The following IFI16 variants were observed in gnomAD, a reference collection of about 807,000 sequenced individuals.
IFI16 encodes the protein interferon gamma inducible protein 16, also known as gamma-interferon-inducible protein 16.
In IFI16, 49 loss-of-function variants were observed where a neutral mutation model predicts 68.4. That is an observed-to-expected ratio of 0.72 (90% confidence interval 0.57 to 0.91). The LOEUF (loss-of-function observed/expected upper bound fraction) is 0.91, where lower values mean the gene tolerates loss of function less well. IFI16 is among the 40% of genes least tolerant of loss of function. The pLI is 0.00. For synonymous variants in IFI16, 307 were observed against 315.0 expected, an observed-to-expected ratio of 0.97 and a Z score of 0.27; for missense variants, 878 against 942.9, an observed-to-expected ratio of 0.93 and a Z score of 0.90.
chr1:159,016,434 ATCT>A, intron 3 of IFI16, 96 bp from the exon 4 acceptor site: 11 of 1,129,314 alleles, frequency 9.7e-6, no homozygotes, highest in South Asian at 4.9e-5. Flanking sequence ...TCCAAGAAAC[ATCT>A]TCTTAGGAAT....
At chr1:159,044,235 A>T (rs1335149663) in intron 7 of IFI16, among the ~76,000 whole-genome samples, 1 of 152,212 alleles carries the variant, frequency 6.6e-6, no homozygotes, top group Non-Finnish European at 1.5e-5. Context: ...GGTCACACAG[A>T]TAGTATTAGA....
intron 7 of IFI16, among the ~76,000 whole-genome samples, chr1:159,045,017 A>C (rs554297667): frequency 2.6e-5 from 4 of 152,032 alleles, no homozygotes; most frequent in Admixed American, 2.6e-4. Context: ...TACCTGACCA[A>C]ATAACTCAGT....
At position 159,016,623 on chromosome 1, in the gene IFI16, G is replaced by A. The variant is rs778462683; in HGVS notation, c.472G>A (p.Gly158Ser). ...TCAGCCTCCCTCTCCTGCAGGAGCC[G>A]GCATGTCCACAGCCATGGGCCGTTC... ...QTQPPSPAGA[G>S]MSTAMGRSPS... Residue 158 changes from glycine to serine, a missense_variant, in exon 4 of 12, where the codon GGC becomes AGC. Physicochemically the swap from Gly to Ser is moderately conservative, Grantham distance 56. This residue lies in a region of IFI16 where 443 missense variants were observed against 421.8 expected (regional missense o/e 1.05). Transcript: ENST00000295809. The A allele has an allele frequency of 6.8e-6, 11 of 1,614,120 alleles. No individual in the cohort carries two copies. Among genetic ancestry groups the A allele is most frequent in the Non-Finnish European group, 6.8e-6 (8 of 1,180,010 alleles).
chr1:159,019,264 A>C (rs550974885), intron 5 of IFI16, among the ~76,000 whole-genome samples: 67 of 146,956 alleles, frequency 4.6e-4, no homozygotes, highest in African/African-American at 1.1e-3. Flanking sequence ...TAAATAACAA[A>C]AAAAAAAAAT....
chr1:159,027,501 A>G (rs1653745053), intron 6 of IFI16, among the ~76,000 whole-genome samples: 1 of 152,006 alleles, frequency 6.6e-6, no homozygotes, highest in Admixed American at 6.5e-5. Flanking sequence ...TGTTGTTGTT[A>G]TGTCCTTTCC....
At chr1:159,017,164 T>A (rs1652986717) in intron 4 of IFI16, among the ~76,000 whole-genome samples, 1 of 152,196 alleles carries the variant, frequency 6.6e-6, no homozygotes, top group African/African-American at 2.4e-5. Flanking sequence ...AGAGTAAAGA[T>A]GTTAAAGAAA....
Position 159,055,028 on chromosome 1 carries a change from A to G in IFI16, c.*127A>G. The G allele has an allele frequency of 4.6e-6, 2 of 437,256 alleles. No individual in the cohort carries two copies. Among genetic ancestry groups the G allele is most frequent in the Non-Finnish European group, 8.4e-6 (2 of 239,324 alleles). 27.1% of individuals were successfully genotyped at this position (437,256 alleles called of 1,614,324 possible). A position where few individuals can be genotyped will look rare whatever the true frequency, so the allele number is the denominator to read the frequency against. On this transcript the variant is annotated 3_prime_UTR_variant, in exon 12 of 12. Coordinates refer to ENST00000295809, the MANE Select transcript of IFI16 (RefSeq NM_001376587.1). ...ACCATATATACTAGCTGTTAATCCT[A>G]TGGAATGGGGTATTGGGAGTGCTTT...
chr1:159,009,492 C>T (rs1292973824), upstream of IFI16, among the ~76,000 whole-genome samples: 1 of 152,144 alleles, frequency 6.6e-6, no homozygotes, highest in Non-Finnish European at 1.5e-5. Context: ...ACTCTGTGCA[C>T]AGGAAAGGAG....
At chr1:159,049,658 C>T in intron 9 of IFI16, 59 bp downstream of exon 9, 1 of 1,601,402 alleles carries the variant, frequency 6.2e-7, no homozygotes, top group South Asian at 1.1e-5. Flanking sequence ...CAAGGATTAA[C>T]ACAACCGTGA....
chr1:159,014,970 C>G, intron 2 of IFI16, 25 bp downstream of exon 2: 1 of 1,570,500 alleles, frequency 6.4e-7, no homozygotes, highest in Non-Finnish European at 8.6e-7. Context: ...GGAACACCCA[C>G]TCCCTGCAAC....
chr1:159,015,738 T>C, intron 2 of IFI16, 134 bp from the exon 3 acceptor site: 1 of 656,522 alleles, frequency 1.5e-6, no homozygotes, highest in Non-Finnish European at 2.7e-6. Context: ...GCAGTAGAGC[T>C]AGACTAAAGC....
intron 6 of IFI16, among the ~76,000 whole-genome samples, chr1:159,031,177 C>T (rs1217931346): frequency 6.7e-6 from 1 of 149,818 alleles, no homozygotes; most frequent in Non-Finnish European, 1.5e-5. Flanking sequence ...GTCTCACTCC[C>T]ACCATCACCC....
chr1:159,031,049 G>A (rs987880005), intron 6 of IFI16, among the ~76,000 whole-genome samples: 1 of 152,106 alleles, frequency 6.6e-6, no homozygotes. Flanking sequence ...CAGGCCAATG[G>A]AGGTATATTC....
intron 6 of IFI16, among the ~76,000 whole-genome samples, chr1:159,024,213 C>A (rs886186830): frequency 1.1e-4 from 17 of 152,142 alleles, no homozygotes; most frequent in African/African-American, 2.4e-5. Flanking sequence ...TTACAATAGA[C>A]AACCTAGTTT....
upstream of IFI16, among the ~76,000 whole-genome samples, chr1:159,007,232 G>A (rs1028832189): frequency 6.6e-6 from 1 of 152,182 alleles, no homozygotes; most frequent in Non-Finnish European, 1.5e-5. Context: ...TTCGGTTTAG[G>A]CTTTGGGAAA....
At chr1:159,041,868 G>T (rs1035506285) in intron 7 of IFI16, among the ~76,000 whole-genome samples, 1 of 152,190 alleles carries the variant, frequency 6.6e-6, no homozygotes. Flanking sequence ...CTCGTTAATA[G>T]TTCAGACCCA....
chr1:159,046,562 T>C (rs1173410506), intron 8 of IFI16, among the ~76,000 whole-genome samples: 1 of 151,350 alleles, frequency 6.6e-6, no homozygotes, highest in Admixed American at 6.6e-5. Flanking sequence ...TTATTACCAA[T>C]ATGTTCATCC....
intron 2 of IFI16, among the ~76,000 whole-genome samples, chr1:159,015,284 A>G (rs1652849257): frequency 6.6e-6 from 1 of 152,244 alleles, no homozygotes; most frequent in Non-Finnish European, 1.5e-5. Context: ...CATTTAGCCA[A>G]TGAATGTATC....
chr1:159,026,423 C>T (rs553708681), intron 6 of IFI16, among the ~76,000 whole-genome samples: 3 of 151,826 alleles, frequency 2.0e-5, no homozygotes, highest in Non-Finnish European at 4.4e-5. Flanking sequence ...CTCAGCCTCT[C>T]GAGTAGCTGG....
Sources: allele counts gnomAD v4.1 joint callset (sites outside exome capture counted in the v4.1 genomes callset), GRCh38; gene constraint gnomAD v4.1.1; regional missense constraint gnomAD v4.1.1; transcripts MANE v1.5; gene names NCBI Gene and HGNC (gene_info 2026-07-23, HGNC 2026-07-21).